The following SEMA3C variants were observed in gnomAD, a reference collection of about 807,000 sequenced individuals.
SEMA3C encodes semaphorin-3C.
In SEMA3C, 47 loss-of-function variants were observed where a neutral mutation model predicts 89.4. That is an observed-to-expected ratio of 0.53 (90% CI 0.42 to 0.67). SEMA3C has a LOEUF of 0.67. Among genes scored for constraint, SEMA3C ranks in the 30% least tolerant of loss-of-function variants. The probability of loss-of-function intolerance (pLI) is 0.00; values close to 1 mark genes in which losing one functional copy is unlikely to be tolerated. For missense variants in SEMA3C, 839 were observed against 929.1 expected (o/e 0.90, Z 1.26); for synonymous variants, 310 against 320.2 (o/e 0.97, Z 0.34).
At chr7:80,875,725 G>A (rs181236644) in intron 2 of SEMA3C, among the ~76,000 whole-genome samples, 1 of 151,706 alleles carries the variant, frequency 6.6e-6, no homozygotes, top group African/African-American at 2.4e-5. Context: ...AAGTATCTCA[G>A]TGTTTGTGAT....
intron 2 of SEMA3C, among the ~76,000 whole-genome samples, chr7:80,893,909 G>A (rs1050123651): frequency 1.3e-4 from 20 of 152,252 alleles, no homozygotes; most frequent in Non-Finnish European, 2.5e-4. Context: ...ACGTTACAAC[G>A]TTATGAGAGT....
intron 15 of SEMA3C, among the ~76,000 whole-genome samples, chr7:80,752,311 C>A (rs1313005160): frequency 1.3e-5 from 2 of 151,988 alleles, no homozygotes; most frequent in Admixed American, 1.3e-4. Context: ...TTAAGCATTT[C>A]AAAAATTTAG....
At chr7:80,884,763 A>T (rs1282629841) in intron 2 of SEMA3C, among the ~76,000 whole-genome samples, 1 of 152,222 alleles carries the variant, frequency 6.6e-6, no homozygotes, top group African/African-American at 2.4e-5. Flanking sequence ...GAATTTCTTT[A>T]TGTGTTTATT....
Position 80,758,315 on chromosome 7 carries a change from A to G in SEMA3C, c.1643+16T>C. 2 of 1,601,320 alleles carry G rather than the reference A, an allele frequency of 1.2e-6. No individual in the cohort carries two copies. The highest frequency in any genetic ancestry group is 1.7e-6 in the Non-Finnish European group (2 of 1,173,570). On this transcript the variant is annotated intron_variant, in intron 15 of 17. Coordinates refer to ENST00000265361, the MANE Select transcript of SEMA3C (RefSeq NM_006379.5). ...TGTCCTACATTTGGATGTTGAGCCG[A>G]GTGTTTAGTGCTCACCGTTTCCCAG... is the stretch of plus-strand genomic sequence containing the variant.
intron 2 of SEMA3C, among the ~76,000 whole-genome samples, chr7:80,840,518 GAAAAAA>G (rs1171113816): frequency 9.7e-5 from 8 of 82,528 alleles, no homozygotes; most frequent in African/African-American, 3.9e-4. Context: ...CTGTCTCCAG[GAAAAAA>G]AAAAAAAAAA....
chr7:80,919,333 C>G (rs1200386292), upstream of SEMA3C: 1 of 985,346 alleles, frequency 1.0e-6, no homozygotes, highest in Non-Finnish European at 1.2e-6. Context: ...GCTCCGCAAC[C>G]CTGCTCCTTT....
intron 15 of SEMA3C, among the ~76,000 whole-genome samples, chr7:80,754,966 T>TGTTTTTTTTGTTTTTTTTG (rs1554359518): frequency 2.9e-5 from 4 of 139,096 alleles, no homozygotes; most frequent in African/African-American, 1.0e-4. Flanking sequence ...TGTTTTTTTT[T>TGTTTTTTTTGTTTTTTTTG]TTTTTGTATT....
At chr7:80,913,768 G>C (rs1394262417) in intron 2 of SEMA3C, among the ~76,000 whole-genome samples, 1 of 152,164 alleles carries the variant, frequency 6.6e-6, no homozygotes, top group Non-Finnish European at 1.5e-5. Context: ...TGACCATCTG[G>C]TTGACCTTGC....
intron 2 of SEMA3C, among the ~76,000 whole-genome samples, chr7:80,892,213 T>A (rs1387547995): frequency 6.6e-6 from 1 of 152,134 alleles, no homozygotes; most frequent in Non-Finnish European, 1.5e-5. Context: ...CCAAATTGAC[T>A]AGGATCATTT....
chr7:80,766,574 C>T (rs115127521), intron 12 of SEMA3C, among the ~76,000 whole-genome samples: 9,841 of 152,248 alleles, frequency 0.065, 450 homozygotes, highest in Middle Eastern at 0.13. Flanking sequence ...CCTGCTCCCA[C>T]AATGTGGAGT....
chr7:80,777,051 T>G (rs1788566368), intron 12 of SEMA3C, among the ~76,000 whole-genome samples: 1 of 152,116 alleles, frequency 6.6e-6, no homozygotes, highest in African/African-American at 2.4e-5. Flanking sequence ...TGCTTACTAA[T>G]CGCTAGGTTG....
intron 2 of SEMA3C, among the ~76,000 whole-genome samples, chr7:80,829,295 A>C (rs544607492): frequency 2.6e-5 from 4 of 152,342 alleles, no homozygotes; most frequent in African/African-American, 7.2e-5. Context: ...GTTTGCAATA[A>C]TCTCAACTCT....
chr7:80,788,193 TATA>T (rs1166623072), intron 12 of SEMA3C, among the ~76,000 whole-genome samples: 3 of 152,236 alleles, frequency 2.0e-5, no homozygotes, highest in African/African-American at 4.8e-5. Flanking sequence ...TGCCATATTT[TATA>T]ATGACTTTTA....
intron 2 of SEMA3C, among the ~76,000 whole-genome samples, chr7:80,861,783 T>A (rs1401155557): frequency 1.3e-5 from 2 of 152,178 alleles, no homozygotes; most frequent in African/African-American, 4.8e-5. Context: ...CAAGTCTGGT[T>A]TAACATATGC....
At chr7:80,912,745 C>T (rs6946665) in intron 2 of SEMA3C, among the ~76,000 whole-genome samples, 23 of 152,284 alleles carry the variant, frequency 1.5e-4, no homozygotes, top group Non-Finnish European at 3.1e-4. Flanking sequence ...AGATTCAATA[C>T]ACCCAGAGTA....
intron 2 of SEMA3C, among the ~76,000 whole-genome samples, chr7:80,840,792 C>T (rs765484705): frequency 2.0e-5 from 3 of 151,958 alleles, no homozygotes; most frequent in Non-Finnish European, 4.4e-5. Flanking sequence ...TTAACTAAGC[C>T]ACTCAATATT....
intron 1 of SEMA3C, chr7:80,918,418 TGAG>T (rs1355877478): frequency 7.2e-5 from 11 of 152,194 alleles, no homozygotes; most frequent in African/African-American, 2.7e-4. Flanking sequence ...CACCTAGTGA[TGAG>T]GAGTGAAAGA....
chr7:80,847,820 G>A (rs1790425536), intron 2 of SEMA3C, among the ~76,000 whole-genome samples: 1 of 152,138 alleles, frequency 6.6e-6, no homozygotes, highest in South Asian at 2.1e-4. Flanking sequence ...CAACAACCTT[G>A]TTCATACAAT....
intron 2 of SEMA3C, among the ~76,000 whole-genome samples, chr7:80,867,329 G>A (rs1790951173): frequency 6.6e-6 from 1 of 151,850 alleles, no homozygotes; most frequent in African/African-American, 2.4e-5. Context: ...TAGAACTCCT[G>A]ACCTAAAGCT....
Sources: gnomAD v4.1 joint callset for allele counts (sites outside exome capture counted in the v4.1 genomes callset) on GRCh38, gnomAD v4.1.1 for gene constraint, MANE v1.5 for transcripts, NCBI Gene and HGNC (gene_info 2026-07-23, HGNC 2026-07-21) for gene names.